Variants in TNFAIP8 observed in about 807,000 individuals in gnomAD.
TNFAIP8 encodes the protein TNF alpha induced protein 8, also known as tumor necrosis factor alpha-induced protein 8.
Under a neutral mutation model 13.3 loss-of-function variants are expected in TNFAIP8, and 7 were observed. The observed-to-expected ratio is 0.52, with a 90% confidence interval of 0.30 to 0.99. The LOEUF is 0.99. TNFAIP8 is among the 50% of genes least tolerant of loss of function. The pLI is 0.07. For missense variants in TNFAIP8, 258 were observed against 236.9 expected (o/e 1.09, Z -0.58); for synonymous variants, 94 against 87.6 (o/e 1.07, Z -0.41).
intron 1 of TNFAIP8, among the ~76,000 whole-genome samples, chr5:119,390,257 G>A (rs756865296): frequency 7.3e-4 from 111 of 151,864 alleles, no homozygotes; most frequent in Non-Finnish European, 1.3e-3. Context: ...TGAAATCCTG[G>A]TTATCTGCTG....
chr5:119,389,188 T>C (rs1460332979), intron 1 of TNFAIP8, among the ~76,000 whole-genome samples: 2 of 151,992 alleles, frequency 1.3e-5, no homozygotes, highest in Non-Finnish European at 2.9e-5. Flanking sequence ...TTAATTGAGA[T>C]CATAAAGAGT....
At chr5:119,376,672 G>T (rs1224059931) in intron 1 of TNFAIP8, among the ~76,000 whole-genome samples, 1 of 147,232 alleles carries the variant, frequency 6.8e-6, no homozygotes, top group Non-Finnish European at 1.5e-5. Context: ...ACAATAAATT[G>T]TAACCAATCA....
At chr5:119,292,793 G>A (rs1252920672) in intron 1 of TNFAIP8, among the ~76,000 whole-genome samples, 1 of 150,786 alleles carries the variant, frequency 6.6e-6, no homozygotes, top group East Asian at 1.9e-4. Context: ...AGATAAACCA[G>A]ATGCAAAAGG....
At chr5:119,381,762 G>C (rs541668159) in intron 1 of TNFAIP8, among the ~76,000 whole-genome samples, 2 of 151,716 alleles carry the variant, frequency 1.3e-5, no homozygotes, top group Admixed American at 1.3e-4. Flanking sequence ...GTGAAACCCC[G>C]TCTCTACTAA....
At chr5:119,282,499 G>C (rs995201767) in intron 1 of TNFAIP8, among the ~76,000 whole-genome samples, 3 of 152,216 alleles carry the variant, frequency 2.0e-5, no homozygotes, top group Non-Finnish European at 4.4e-5. Flanking sequence ...GTTGTCCCAT[G>C]GATTCAGTGT....
intron 1 of TNFAIP8, among the ~76,000 whole-genome samples, chr5:119,307,273 T>C (rs996321215): frequency 6.6e-6 from 1 of 152,230 alleles, no homozygotes; most frequent in Admixed American, 6.5e-5. Flanking sequence ...TTGTTGAACA[T>C]TCTTGTTCTT....
At chr5:119,283,796 A>G (rs1004809187) in intron 1 of TNFAIP8, among the ~76,000 whole-genome samples, 1 of 152,186 alleles carries the variant, frequency 6.6e-6, no homozygotes, top group African/African-American at 2.4e-5. Context: ...TTCAGGTCAC[A>G]ATTGAAGCAG....
chr5:119,303,489 C>A (rs770105222), intron 1 of TNFAIP8, among the ~76,000 whole-genome samples: 2 of 152,140 alleles, frequency 1.3e-5, no homozygotes, highest in Non-Finnish European at 2.9e-5. Context: ...AAGCTACATA[C>A]CTTGACTTGC....
At chr5:119,371,667 A>G (rs1375299282) in intron 1 of TNFAIP8, among the ~76,000 whole-genome samples, 1 of 152,252 alleles carries the variant, frequency 6.6e-6, no homozygotes, top group Non-Finnish European at 1.5e-5. Flanking sequence ...TACATTGTCT[A>G]ACATCGGAGA....
chr5:119,310,308 C>CCA (rs1420172807), intron 1 of TNFAIP8, among the ~76,000 whole-genome samples: 126 of 152,216 alleles, frequency 8.3e-4, no homozygotes, highest in Non-Finnish European at 1.5e-3. Context: ...CTGGGAGAGC[C>CCA]CTGAGTGGAG....
chr5:119,364,144 C>G (rs2112795150), intron 1 of TNFAIP8, among the ~76,000 whole-genome samples: 1 of 152,242 alleles, frequency 6.6e-6, no homozygotes, highest in Non-Finnish European at 1.5e-5. Flanking sequence ...AGTGGGGGAA[C>G]TGAAAGTTTT....
intron 1 of TNFAIP8, among the ~76,000 whole-genome samples, chr5:119,277,617 A>C (rs940468351): frequency 6.6e-6 from 1 of 152,206 alleles, no homozygotes; most frequent in African/African-American, 2.4e-5. Flanking sequence ...TTCCAAATGC[A>C]GTTGCTTTCT....
chr5:119,291,396 G>A (rs980135768), intron 1 of TNFAIP8, among the ~76,000 whole-genome samples: 1 of 152,164 alleles, frequency 6.6e-6, no homozygotes, highest in African/African-American at 2.4e-5. Context: ...TTCAAAAGAG[G>A]GAGCAATTGC....
intron 1 of TNFAIP8, among the ~76,000 whole-genome samples, chr5:119,298,473 TC>T (rs1183744723): frequency 6.6e-6 from 1 of 151,752 alleles, no homozygotes; most frequent in Non-Finnish European, 1.5e-5. Context: ...TGCCGAGAGA[TC>T]AGCTGTTAGT....
At chr5:119,306,318 C>CTTTTT (rs770923933) in intron 1 of TNFAIP8, 9 of 121,768 alleles carry the variant, frequency 7.4e-5, no homozygotes, top group African/African-American at 3.3e-4. Context: ...TTCTTTCTTT[C>CTTTTT]TTTTTCTTTT....
At chr5:119,351,790 T>TTC (rs1562013186), upstream of TNFAIP8, among the ~76,000 whole-genome samples, 4 of 143,748 alleles carry the variant, frequency 2.8e-5, no homozygotes, top group African/African-American at 1.1e-4. Flanking sequence ...TTCTTTTTCT[T>TTC]TTTTTCTTTT....
At chr5:119,368,430 C>CGTGTGTGTGTGTGTGTGTGTGT in intron 1 of TNFAIP8, among the ~76,000 whole-genome samples, 1 of 133,088 alleles carries the variant, frequency 7.5e-6, no homozygotes, top group East Asian at 2.1e-4. Flanking sequence ...TTCTAAGCAG[C>CGTGTGTGTGTGTGTGTGTGTGT]GTGTGTGTGT....
In TNFAIP8 at chr5:119,292,683, TATACACACAC is replaced by T. The variant is rs1383451363; in HGVS notation, c.1+23778_1+23787del. On this transcript the variant is annotated intron_variant, in intron 1 of 1. Transcript: ENST00000274456. ...ATATATATATATATATATATATATA[TATACACACAC>T]ACACAATGAAATACTATTTAGCAAT... 1.7e-3 allele frequency among the ~76,000 whole-genome samples: 63 copies of T among 36,628 alleles called. 4 individuals are homozygous for T. Among genetic ancestry groups the T allele is most frequent in the Admixed American group, 5.4e-3 (17 of 3,176 alleles). 24.0% of individuals were successfully genotyped at this position (36,628 alleles called of 152,430 possible). A position where few individuals can be genotyped will look rare whatever the true frequency, so the allele number is the denominator to read the frequency against.
intron 1 of TNFAIP8, among the ~76,000 whole-genome samples, chr5:119,347,303 C>G (rs1252546194): frequency 6.6e-6 from 1 of 152,118 alleles, no homozygotes; most frequent in Non-Finnish European, 1.5e-5. Flanking sequence ...GCCAATGTAC[C>G]CATTTAGATC....
Sources: gnomAD v4.1 joint callset for allele counts (sites outside exome capture counted in the v4.1 genomes callset) on GRCh38, gnomAD v4.1.1 for gene constraint, MANE v1.5 for transcripts, NCBI Gene and HGNC (gene_info 2026-07-23, HGNC 2026-07-21) for gene names.